The following CDH18 variants were observed in gnomAD, a reference collection of about 807,000 sequenced individuals.
CDH18 encodes the protein cadherin 18.
In CDH18, 31 loss-of-function variants were observed where a neutral mutation model predicts 67.9. The observed-to-expected ratio is 0.46, with a 90% CI of 0.34 to 0.62. CDH18 has a LOEUF of 0.62. CDH18 is among the 20% of genes least tolerant of loss of function. The probability of loss-of-function intolerance (pLI) is 0.01; values close to 1 mark genes in which losing one functional copy is unlikely to be tolerated. For synonymous variants in CDH18, 362 were observed against 347.2 expected, an observed-to-expected ratio of 1.04 and a Z score of -0.48; for missense variants, 890 against 975.5, an observed-to-expected ratio of 0.91 and a Z score of 1.17.
chr5:20,283,758 C>A (rs181667007), intron 1 of CDH18, among the ~76,000 whole-genome samples: 3 of 152,048 alleles, frequency 2.0e-5, no homozygotes, highest in Admixed American at 2.0e-4. Context: ...TAGGTATATA[C>A]CCAAAATAAA....
intron 1 of CDH18, among the ~76,000 whole-genome samples, chr5:20,351,261 T>C (rs958092048): frequency 6.6e-6 from 1 of 151,792 alleles, no homozygotes; most frequent in Non-Finnish European, 1.5e-5. Context: ...GTTTTTTTTT[T>C]TTGTTCACTG....
intron 1 of CDH18, among the ~76,000 whole-genome samples, chr5:20,333,645 AAATGAGAAAAGTG>A (rs1739413458): frequency 6.6e-6 from 1 of 151,924 alleles, no homozygotes. Flanking sequence ...TCCTCAATTC[AAATGAGAAAAGTG>A]AGATCAAAAG....
At chr5:20,271,515 T>G (rs1745431726) in intron 1 of CDH18, among the ~76,000 whole-genome samples, 1 of 152,102 alleles carries the variant, frequency 6.6e-6, no homozygotes, top group Middle Eastern at 3.2e-3. Flanking sequence ...TCTATATATG[T>G]ATCGAAACAT....
intron 4 of CDH18, among the ~76,000 whole-genome samples, chr5:19,741,296 T>C (rs913469688): frequency 7.1e-6 from 1 of 141,778 alleles, no homozygotes; most frequent in Non-Finnish European, 1.5e-5. Flanking sequence ...TATACATACA[T>C]ATATGTACAT....
chr5:20,448,684 G>A (rs911343406), intron 1 of CDH18, among the ~76,000 whole-genome samples: 2 of 152,062 alleles, frequency 1.3e-5, no homozygotes, highest in Admixed American at 6.6e-5. Context: ...TATTTTTACA[G>A]ACACGCTTAC....
intron 3 of CDH18, among the ~76,000 whole-genome samples, chr5:19,747,576 T>C (rs1445613236): frequency 6.6e-6 from 1 of 152,170 alleles, no homozygotes. Context: ...CAGTAGATTA[T>C]TGTTGCCTTC....
chr5:19,800,066 C>A (rs911946889), intron 3 of CDH18, among the ~76,000 whole-genome samples: 2 of 151,942 alleles, frequency 1.3e-5, no homozygotes, highest in African/African-American at 4.8e-5. Context: ...CAATAAGATC[C>A]TCAAAGACAA....
intron 5 of CDH18, among the ~76,000 whole-genome samples, chr5:19,705,002 TCCTGCAGTAAACAA>T (rs1763760018): frequency 6.6e-6 from 1 of 152,210 alleles, no homozygotes. Context: ...CATTTACAAT[TCCTGCAGTAAACAA>T]CCTGCAGCCT....
At chr5:20,241,717 T>TG (rs1322128627) in intron 2 of CDH18, among the ~76,000 whole-genome samples, 2 of 150,910 alleles carry the variant, frequency 1.3e-5, no homozygotes, top group Non-Finnish European at 3.0e-5. Context: ...CAGGCGTGGT[T>TG]GGGGGGCGCC....
intron 1 of CDH18, among the ~76,000 whole-genome samples, chr5:20,452,282 G>C (rs1317425643): frequency 6.6e-6 from 1 of 151,928 alleles, no homozygotes; most frequent in Admixed American, 6.6e-5. Context: ...TGTGTTTTTT[G>C]TATTATCTTG....
chr5:20,422,707 A>G (rs1325594486), intron 1 of CDH18, among the ~76,000 whole-genome samples: 1 of 151,196 alleles, frequency 6.6e-6, no homozygotes, highest in African/African-American at 2.5e-5. Flanking sequence ...CATAACCTTA[A>G]TCACAATATA....
chr5:19,844,122 T>G (rs1292831129), intron 2 of CDH18, among the ~76,000 whole-genome samples: 1 of 152,110 alleles, frequency 6.6e-6, no homozygotes, highest in Non-Finnish European at 1.5e-5. Flanking sequence ...TGGGAAGAAT[T>G]AAGATTTTTC....
intron 2 of CDH18, among the ~76,000 whole-genome samples, chr5:20,240,836 A>G (rs1304398384): frequency 1.3e-5 from 2 of 152,198 alleles, no homozygotes; most frequent in South Asian, 2.1e-4. Context: ...TGGGTGGGAA[A>G]AAAAAGAACC....
chr5:20,446,269 A>T (rs4866190), intron 1 of CDH18, among the ~76,000 whole-genome samples: 15 of 151,914 alleles, frequency 9.9e-5, no homozygotes, highest in Non-Finnish European at 2.2e-4. Context: ...AAATTCCATC[A>T]GAGTAGAGTC....
chr5:20,507,401 G>A (rs144046255), intron 1 of CDH18, among the ~76,000 whole-genome samples: 1 of 152,274 alleles, frequency 6.6e-6, no homozygotes, highest in African/African-American at 2.4e-5. Flanking sequence ...TTAACATTAA[G>A]TCTTTCCTAT....
intron 2 of CDH18, among the ~76,000 whole-genome samples, chr5:20,124,098 G>A (rs1748617976): frequency 6.6e-6 from 1 of 152,092 alleles, no homozygotes; most frequent in Non-Finnish European, 1.5e-5. Context: ...AGTGTGGCTG[G>A]ATAGAAACCT....
At chr5:20,192,585 C>A (rs1392155766) in intron 2 of CDH18, among the ~76,000 whole-genome samples, 1 of 152,076 alleles carries the variant, frequency 6.6e-6, no homozygotes, top group African/African-American at 2.4e-5. Context: ...CCAGTTTTCC[C>A]AGCATCACTT....
intron 2 of CDH18, among the ~76,000 whole-genome samples, chr5:20,219,146 G>A (rs1371216066): frequency 6.6e-6 from 1 of 151,676 alleles, no homozygotes; most frequent in East Asian, 1.9e-4. Flanking sequence ...TAAAATCAGA[G>A]ATGAAAAATG....
chr5:20,505,745 T>C (rs942872798), intron 1 of CDH18, among the ~76,000 whole-genome samples: 7 of 152,226 alleles, frequency 4.6e-5, no homozygotes, highest in Non-Finnish European at 8.8e-5. Flanking sequence ...TTCAGATGCA[T>C]TTTCTGCACA....
Sources: gnomAD v4.1 joint callset for allele counts (sites outside exome capture counted in the v4.1 genomes callset) on GRCh38, gnomAD v4.1.1 for gene constraint, MANE v1.5 for transcripts, NCBI Gene and HGNC (gene_info 2026-07-23, HGNC 2026-07-21) for gene names.